ACOT7: variants seen among roughly 807,000 people sequenced by gnomAD.
ACOT7 encodes acyl-CoA thioesterase 7, also known as cytosolic acyl coenzyme A thioester hydrolase.
In ACOT7, 12 loss-of-function variants were observed where a neutral mutation model predicts 40.2. The observed-to-expected ratio is 0.30, with a 90% CI of 0.19 to 0.48. The LOEUF (loss-of-function observed/expected upper bound fraction) is 0.48. ACOT7 is among the 20% of genes least tolerant of loss of function. ACOT7 has a pLI of 0.99. For missense variants in ACOT7, 395 were observed against 530.8 expected (o/e 0.74, Z 2.51); for synonymous variants, 228 against 219.5 (o/e 1.04, Z -0.34).
intron 3 of ACOT7, among the ~76,000 whole-genome samples, chr1:6,336,927 C>T (rs972775486): frequency 2.6e-5 from 4 of 152,290 alleles, no homozygotes; most frequent in South Asian, 2.1e-4. Flanking sequence ...GAGACAACAG[C>T]GGGCTCCGGG....
At chr1:6,390,534 C>T (rs1642516141) in intron 1 of ACOT7, among the ~76,000 whole-genome samples, 1 of 151,688 alleles carries the variant, frequency 6.6e-6, no homozygotes, top group African/African-American at 2.4e-5. Context: ...AGTGTGTCAC[C>T]GCACTCCAGC....
chr1:6,303,617 T>G (rs1300619419), intron 6 of ACOT7, among the ~76,000 whole-genome samples: 2 of 152,182 alleles, frequency 1.3e-5, no homozygotes, highest in Non-Finnish European at 2.9e-5. Context: ...CTATATTTAA[T>G]CCCAACTGAC....
intron 1 of ACOT7, among the ~76,000 whole-genome samples, chr1:6,366,681 A>C (rs1642019369): frequency 6.7e-6 from 1 of 149,478 alleles, no homozygotes; most frequent in Non-Finnish European, 1.5e-5. Context: ...TTTGAGACAG[A>C]GTCTCACTCT....
chr1:6,279,424 G>A lies in ACOT7; in HGVS notation c.1014+1678C>T, dbSNP rs1639290987. Reference sequence around the variant, plus strand: ...ATGGGGCAGGAGGGTGGCAGCCTAGGGTACTTTGCCACAGAAGAGGCTGTG... The same window carrying A: ...ATGGGGCAGGAGGGTGGCAGCCTAGAGTACTTTGCCACAGAAGAGGCTGTG... On this transcript the variant is annotated intron_variant, in intron 8 of 8. Coordinates refer to ENST00000361521, the MANE Select transcript of ACOT7 (RefSeq NM_007274.4). Among the ~76,000 whole-genome samples, 5 of 152,204 alleles carry A rather than the reference G, an allele frequency of 3.3e-5. No homozygotes were observed. The South Asian group carries it at 1.0e-3, about 31-fold the overall frequency.
intron 7 of ACOT7, among the ~76,000 whole-genome samples, chr1:6,285,598 G>A (rs1282175696): frequency 6.6e-6 from 1 of 152,238 alleles, no homozygotes; most frequent in African/African-American, 2.4e-5. Context: ...TCATGACCAT[G>A]CCCACAGGTC....
chr1:6,273,361 C>T (rs1259069379), intron 8 of ACOT7, among the ~76,000 whole-genome samples: 2 of 152,208 alleles, frequency 1.3e-5, no homozygotes, highest in Non-Finnish European at 2.9e-5. Context: ...CACTGGCCAC[C>T]GGATGTTCCT....
chr1:6,355,028 G>A lies in ACOT7; in HGVS notation c.144-5162C>T, dbSNP rs1036137398. The stretch of plus-strand genomic sequence containing the variant: ...TAGTAAGGCATCTGGAGCTCTCAGG[G>A]ATTGGGAACTTTTCCGCCTCAACTC... On this transcript the variant is annotated intron_variant, in intron 1 of 8. Transcript: ENST00000361521. This position sits in a 1 kb window ranked among gnomAD's most constrained non-coding sequence, Gnocchi z 5.0. 4.6e-5 allele frequency among the ~76,000 whole-genome samples: 7 copies of A among 152,146 alleles called. No individual in the cohort carries two copies. Among genetic ancestry groups the A allele is most frequent in the African/African-American group, 1.7e-4 (7 of 41,506 alleles).
chr1:6,308,541 AG>A (rs1481396835), intron 6 of ACOT7, among the ~76,000 whole-genome samples: 1 of 151,796 alleles, frequency 6.6e-6, no homozygotes, highest in Non-Finnish European at 1.5e-5. Flanking sequence ...AACAGGCAGA[AG>A]GAACAGCCAC....
At chr1:6,392,845 C>T (rs756668087) in intron 1 of ACOT7, among the ~76,000 whole-genome samples, 5 of 152,190 alleles carry the variant, frequency 3.3e-5, no homozygotes, top group Non-Finnish European at 7.4e-5. Flanking sequence ...ATCCCGAATC[C>T]TCGAGGAGGC....
At chr1:6,377,613 G>A (rs1642257817) in intron 1 of ACOT7, among the ~76,000 whole-genome samples, 1 of 152,152 alleles carries the variant, frequency 6.6e-6, no homozygotes, top group South Asian at 2.1e-4. Flanking sequence ...GTCATTAAAG[G>A]AAGCACAGAG....
At chr1:6,333,630 A>T (rs1641021230) in intron 3 of ACOT7, 62 bp from the exon 4 acceptor site, 1 of 1,548,386 alleles carries the variant, frequency 6.5e-7, no homozygotes, top group Admixed American at 1.7e-5. Context: ...GTGAGCGTCC[A>T]GGCACGTGGC....
rs1008713694 is a variant in ACOT7 at position 6,352,534 on chromosome 1, G to A, written c.144-2668C>T. Among the ~76,000 whole-genome samples, 11 of 152,190 alleles carry A rather than the reference G, an allele frequency of 7.2e-5. No homozygotes were observed. Among genetic ancestry groups the A allele is most frequent in the Non-Finnish European group, 1.3e-4 (9 of 68,046 alleles). On this transcript the variant is annotated intron_variant, in intron 1 of 8. Transcript: ENST00000361521. This position sits in a 1 kb window ranked among gnomAD's most constrained non-coding sequence, Gnocchi z 4.5. The stretch of plus-strand genomic sequence containing the variant: ...TGCCTCTGTCTAAAGGCAGGCAGGG[G>A]TGAGAGCCAGGGAGCCAGGGAAGCT...
At chr1:6,273,588 C>G (rs1272556214) in intron 8 of ACOT7, among the ~76,000 whole-genome samples, 1 of 152,260 alleles carries the variant, frequency 6.6e-6, no homozygotes, top group African/African-American at 2.4e-5. Context: ...CCAAACGCGG[C>G]AGGCGGTTCA....
chr1:6,392,704 C>G (rs986438708), intron 1 of ACOT7, among the ~76,000 whole-genome samples: 9 of 152,250 alleles, frequency 5.9e-5, no homozygotes, highest in African/African-American at 2.2e-4. Flanking sequence ...CAAACCGAAG[C>G]AGTGCACTGA....
intron 2 of ACOT7, among the ~76,000 whole-genome samples, chr1:6,347,199 C>G (rs1641451527): frequency 6.6e-6 from 1 of 152,160 alleles, no homozygotes; most frequent in South Asian, 2.1e-4. Context: ...CCTGGGGCTG[C>G]CTGGAACTCA....
At chr1:6,266,632 C>T (rs75033775) in intron 8 of ACOT7, among the ~76,000 whole-genome samples, 4,529 of 152,388 alleles carry the variant, frequency 0.03, 244 homozygotes, top group African/African-American at 0.1. Context: ...GCCAAGAATG[C>T]AAGGTCAAAG....
In ACOT7 at chr1:6,264,597, C is replaced by G. The variant is rs1212202292; in HGVS notation, c.1113G>C (p.Ter371TyrextTer11). The G allele has an allele frequency of 6.2e-7, 1 of 1,611,460 alleles. No individual in the cohort carries two copies. Among genetic ancestry groups the G allele is most frequent in the Non-Finnish European group, 8.5e-7 (1 of 1,179,402 alleles). ...GGCACCAGTGGCAGGAGGAGGGAGTCTAGGGCTGAGGCTCCGCGTGGCCCT... is the reference window on the plus strand; with the variant it reads ...GGCACCAGTGGCAGGAGGAGGGAGTGTAGGGCTGAGGCTCCGCGTGGCCCT... ...KRQGHAEPQP[*>Y] Residue 371 changes from the stop codon to tyrosine (Y), a stop_lost, in exon 9 of 9, where the codon TAG (stop) becomes TAC (tyrosine). Transcript: ENST00000361521.
intron 6 of ACOT7, among the ~76,000 whole-genome samples, chr1:6,305,590 G>GAC (rs1640122789): frequency 6.6e-6 from 1 of 151,668 alleles, no homozygotes; most frequent in African/African-American, 2.4e-5. Flanking sequence ...CATCCCAGAC[G>GAC]GGGCGGCAGG....
At chr1:6,357,864 TCTC>T (rs1208014188) in intron 1 of ACOT7, among the ~76,000 whole-genome samples, 3 of 148,848 alleles carry the variant, frequency 2.0e-5, no homozygotes, top group East Asian at 2.0e-4. Context: ...CAGCCCTGCT[TCTC>T]CTCTTTTTTT....
Sources: allele counts gnomAD v4.1 joint callset (sites outside exome capture counted in the v4.1 genomes callset), GRCh38; gene constraint gnomAD v4.1.1; non-coding constraint Gnocchi (gnomAD v3.1); transcripts MANE v1.5; gene names NCBI Gene and HGNC (gene_info 2026-07-23, HGNC 2026-07-21).